The following ZBTB40 variants were observed in gnomAD, a reference collection of about 807,000 sequenced individuals.
ZBTB40 encodes zinc finger and BTB domain-containing protein 40.
A neutral mutation model predicts 117.5 loss-of-function variants in ZBTB40; 60 were observed. That is an observed-to-expected ratio of 0.51 (90% CI 0.41 to 0.63). The LOEUF (loss-of-function observed/expected upper bound fraction) is 0.63. Among genes scored for constraint, ZBTB40 ranks in the 30% least tolerant of loss-of-function variants. The pLI, the probability that ZBTB40 is intolerant of heterozygous loss-of-function variation, is 0.00. For synonymous variants in ZBTB40, 525 were observed against 577.1 expected, an observed-to-expected ratio of 0.91 and a Z score of 1.29; for missense variants, 1,287 against 1,498.5, an observed-to-expected ratio of 0.86 and a Z score of 2.33.
intron 1 of ZBTB40, among the ~76,000 whole-genome samples, chr1:22,467,724 C>T (rs1297663036): frequency 1.3e-5 from 2 of 151,674 alleles, no homozygotes; most frequent in Non-Finnish European, 2.9e-5. Flanking sequence ...ATCCTCCCAC[C>T]TCAGCCTCCC....
intron 12 of ZBTB40, among the ~76,000 whole-genome samples, chr1:22,516,052 A>T (rs796166660): frequency 6.6e-6 from 1 of 152,192 alleles, no homozygotes; most frequent in Non-Finnish European, 1.5e-5. Context: ...AACAGGACTC[A>T]TGGTGGATTA....
chr1:22,521,985 C>G (rs188145931), intron 15 of ZBTB40, among the ~76,000 whole-genome samples: 2 of 152,308 alleles, frequency 1.3e-5, no homozygotes, highest in Admixed American at 6.5e-5. Context: ...GCTACATGAC[C>G]TTGGCAAGTG....
At position 22,512,949 on chromosome 1, in the gene ZBTB40, G is replaced by A. The variant is rs753284555; in HGVS notation, c.2487G>A (p.Glu829=). The A allele has an allele frequency of 3.1e-6, 5 of 1,614,246 alleles. No homozygotes were observed. The highest frequency in any genetic ancestry group is 4.2e-6 in the Non-Finnish European group (5 of 1,180,040). ...ASGMQYHKLT[E]HFDEKPFSCE... ...GCATGCAGTACCATAAGCTGACAGA[G>A]CACTTCGATGAGAAGCCTTTCTCCT... is the stretch of plus-strand genomic sequence containing the variant. The change falls in exon 12 of 18, where the codon GAG becomes GAA. Residue 829 remains glutamate, a synonymous_variant. Transcript: ENST00000375647.
chr1:22,453,681 A>G (rs145722130), intron 1 of ZBTB40, among the ~76,000 whole-genome samples: 2 of 152,362 alleles, frequency 1.3e-5, no homozygotes, highest in African/African-American at 4.8e-5. Context: ...TTACGCATAG[A>G]GGAAACAAAC....
intron 6 of ZBTB40, among the ~76,000 whole-genome samples, chr1:22,506,574 G>A (rs1639081567): frequency 6.6e-6 from 1 of 152,144 alleles, no homozygotes; most frequent in Admixed American, 6.5e-5. Flanking sequence ...AGCCATATTC[G>A]CAAATAGGAG....
At chr1:22,482,436 G>A (rs760764859) in intron 1 of ZBTB40, among the ~76,000 whole-genome samples, 1 of 152,078 alleles carries the variant, frequency 6.6e-6, no homozygotes, top group Non-Finnish European at 1.5e-5. Context: ...CACCATCCAT[G>A]TCTCACACCA....
intron 9 of ZBTB40, among the ~76,000 whole-genome samples, chr1:22,510,143 A>T (rs927748344): frequency 6.6e-6 from 1 of 152,212 alleles, no homozygotes; most frequent in Non-Finnish European, 1.5e-5. Flanking sequence ...CCAGCCCAGG[A>T]TCATTTGCAT....
chr1:22,520,982 C>G (rs563029793), intron 14 of ZBTB40, among the ~76,000 whole-genome samples: 1 of 152,340 alleles, frequency 6.6e-6, no homozygotes, highest in South Asian at 2.1e-4. Flanking sequence ...CAGTGCTGCT[C>G]TGGAACCTGG....
At chr1:22,477,017 A>G (rs1024923709) in intron 1 of ZBTB40, among the ~76,000 whole-genome samples, 1 of 152,246 alleles carries the variant, frequency 6.6e-6, no homozygotes, top group African/African-American at 2.4e-5. Context: ...AGTTAGGCAG[A>G]AACAGTAAAA....
In ZBTB40 at chr1:22,513,188, C is replaced by A; in HGVS notation, c.2668+58C>A. ...ACTTTCACTGCGAACTGCCTAAACC[C>A]CATTTGGATTAGGTGTGATATATAT... On this transcript the variant is annotated intron_variant, in intron 12 of 17. Coordinates refer to ENST00000375647, the MANE Select transcript of ZBTB40 (RefSeq NM_014870.4). This position sits in a 1 kb window ranked among gnomAD's most constrained non-coding sequence, Gnocchi z 4.9. 6.4e-7 allele frequency: 1 copy of A among 1,560,666 alleles called. No individual in the cohort carries two copies. The highest frequency in any genetic ancestry group is 8.7e-7 in the Non-Finnish European group (1 of 1,145,068).
At chr1:22,522,538 A>G (rs1639560551) in intron 16 of ZBTB40, 75 bp downstream of exon 16, 2 of 1,427,384 alleles carry the variant, frequency 1.4e-6, no homozygotes, top group African/African-American at 2.8e-5. Flanking sequence ...GCAGCTTTGC[A>G]ACCTAGGCTA....
Position 22,517,601 on chromosome 1 carries a change from C to T in ZBTB40, c.2833+137C>T, listed in dbSNP as rs375349357. 2.8e-5 allele frequency: 28 copies of T among 1,012,656 alleles called. No homozygotes were observed. The African/African-American group carries it at 4.0e-4, about 15-fold the overall frequency. 62.7% of individuals were successfully genotyped at this position (1,012,656 alleles called of 1,614,324 possible). A position where few individuals can be genotyped will look rare whatever the true frequency, so the allele number is the denominator to read the frequency against. On this transcript the variant is annotated intron_variant, in intron 13 of 17. Coordinates refer to ENST00000375647, the MANE Select transcript of ZBTB40 (RefSeq NM_014870.4). ...CCCCTTACCTGTTCCGCTGCAAAAC[C>T]CAGAGTCCCTCATTCCTAGTTCAGG...
chr1:22,436,639 T>C (rs746574868), intron 1 of ZBTB40, among the ~76,000 whole-genome samples: 24 of 152,174 alleles, frequency 1.6e-4, no homozygotes, highest in Non-Finnish European at 2.6e-4. Context: ...GGTATATCCA[T>C]ATCAGTGGGC....
chr1:22,520,240 C>T lies in ZBTB40; in HGVS notation c.3013C>T (p.Pro1005Ser). 1 of 1,613,522 alleles carries T rather than the reference C, an allele frequency of 6.2e-7. No homozygotes were observed. Among genetic ancestry groups the T allele is most frequent in the Non-Finnish European group, 8.5e-7 (1 of 1,179,992 alleles). ...RHVVTHVGGK[P>S]FSCGICNKAY... ...CGTGGTGACCCACGTTGGAGGGAAG[C>T]CCTTCAGCTGCGGGATCTGCAACAA... Residue 1005 changes from proline to serine, a missense_variant, in exon 14 of 18, where the codon CCC becomes TCC. Physicochemically the swap from Pro to Ser is moderately conservative, Grantham distance 74. Transcript: ENST00000375647.
At chr1:22,465,112 T>C (rs1641222271) in intron 1 of ZBTB40, among the ~76,000 whole-genome samples, 1 of 152,126 alleles carries the variant, frequency 6.6e-6, no homozygotes, top group South Asian at 2.1e-4. Flanking sequence ...AGACCCGCGA[T>C]GGTTAGTTCC....
intron 1 of ZBTB40, among the ~76,000 whole-genome samples, chr1:22,462,126 C>A (rs1024212712): frequency 6.6e-6 from 1 of 152,166 alleles, no homozygotes; most frequent in Non-Finnish European, 1.5e-5. Context: ...AATAGGGTAT[C>A]CTTGTAATGC....
chr1:22,482,154 A>G (rs999941496), intron 1 of ZBTB40, among the ~76,000 whole-genome samples: 1 of 152,144 alleles, frequency 6.6e-6, no homozygotes, highest in African/African-American at 2.4e-5. Context: ...CTGTATTCAA[A>G]AAGTAGGGGT....
intron 11 of ZBTB40, among the ~76,000 whole-genome samples, chr1:22,512,584 T>C (rs1639270241): frequency 6.6e-6 from 1 of 152,196 alleles, no homozygotes; most frequent in Non-Finnish European, 1.5e-5. Context: ...TCCTAGAATT[T>C]GGATAAACCT....
Position 22,522,444 on chromosome 1 carries a change from T to C in ZBTB40, c.3279T>C (p.His1093=), listed in dbSNP as rs527250370. The C allele has an allele frequency of 5.0e-6, 8 of 1,614,202 alleles. No homozygotes were observed. Among genetic ancestry groups the C allele is most frequent in the African/African-American group, 2.7e-5 (2 of 75,058 alleles). ...LFPTPALLQV[H]VKCQHSGSQP... is the part of the protein sequence containing the mutation. ...CCACGCCAGCCTTGCTGCAGGTTCA[T>C]GTCAAGTGCCAGCATTCAGGTCAGT... Residue 1093 remains histidine (H), a synonymous_variant, in exon 16 of 18, where the codon CAT becomes CAC. Coordinates refer to ENST00000375647, the MANE Select transcript of ZBTB40 (RefSeq NM_014870.4).
Sources: allele counts gnomAD v4.1 joint callset (sites outside exome capture counted in the v4.1 genomes callset), GRCh38; gene constraint gnomAD v4.1.1; non-coding constraint Gnocchi (gnomAD v3.1); transcripts MANE v1.5; gene names NCBI Gene and HGNC (gene_info 2026-07-23, HGNC 2026-07-21).